Variants in EP400 observed in about 807,000 individuals in gnomAD.
The protein encoded by EP400 is E1A binding protein p400.
EP400 carries 105 observed loss-of-function variants against 354.1 expected under a neutral mutation model. That is an observed-to-expected ratio of 0.30 (90% CI 0.25 to 0.35). The LOEUF (loss-of-function observed/expected upper bound fraction) is 0.35. Among genes scored for constraint, EP400 ranks in the 10% least tolerant of loss-of-function variants. The pLI, the probability that EP400 is intolerant of heterozygous loss-of-function variation, is 1.00. For synonymous variants in EP400, 1,646 were observed against 1,716.9 expected (o/e 0.96, Z 1.02); for missense variants, 3,280 against 4,121.0 (o/e 0.80, Z 5.59).
intron 1 of EP400, among the ~76,000 whole-genome samples, chr12:131,954,238 A>C (rs1414325216): frequency 2.0e-5 from 3 of 151,910 alleles, no homozygotes; most frequent in South Asian, 2.1e-4. Flanking sequence ...AAAAAAAAAA[A>C]CCAACACATT....
chr12:132,041,693 T>C (rs971587300), intron 32 of EP400, among the ~76,000 whole-genome samples: 5 of 152,206 alleles, frequency 3.3e-5, no homozygotes, highest in Non-Finnish European at 7.3e-5. Flanking sequence ...CAGGAGATGC[T>C]GTGGCTGTGC....
At chr12:132,049,520 T>G (rs946783523) in intron 39 of EP400, among the ~76,000 whole-genome samples, 1 of 152,202 alleles carries the variant, frequency 6.6e-6, no homozygotes, top group East Asian at 1.9e-4. Flanking sequence ...TACATGTACC[T>G]GCACAGACAC....
At chr12:132,043,534 C>G (rs1894983648) in intron 33 of EP400, 72 bp downstream of exon 33, 1 of 1,581,634 alleles carries the variant, frequency 6.3e-7, no homozygotes, top group Admixed American at 1.9e-5. Context: ...TTATTGTTTA[C>G]TGCAAGAAAA....
intron 11 of EP400, among the ~76,000 whole-genome samples, chr12:131,993,208 A>G (rs11246889): frequency 0.11 from 16,958 of 152,050 alleles, 1,858 homozygotes; most frequent in African/African-American, 0.28. Context: ...TATTTTTAGT[A>G]GAGATGGGGT....
chr12:132,022,564 G>A (rs975891733), intron 23 of EP400, among the ~76,000 whole-genome samples: 2 of 152,066 alleles, frequency 1.3e-5, no homozygotes, highest in East Asian at 1.9e-4. Context: ...TTGTTCAGTT[G>A]TAGCCGGAAG....
At chr12:131,950,373 G>C (rs1891424377) in intron 1 of EP400, among the ~76,000 whole-genome samples, 1 of 152,170 alleles carries the variant, frequency 6.6e-6, no homozygotes, top group African/African-American at 2.4e-5. Flanking sequence ...GGGGGACTCC[G>C]GCCCGCGCCT....
At chr12:132,053,941 C>T (rs1431409662) in intron 43 of EP400, among the ~76,000 whole-genome samples, 1 of 152,172 alleles carries the variant, frequency 6.6e-6, no homozygotes, top group Non-Finnish European at 1.5e-5. Context: ...TTCCTGACTT[C>T]CTACACACTT....
chr12:131,991,588 T>TTG, intron 10 of EP400, 132 bp downstream of exon 10: 2 of 894,132 alleles, frequency 2.2e-6, no homozygotes, highest in Non-Finnish European at 1.7e-6. Flanking sequence ...TTTTTTTTTT[T>TTG]TTTTGTTTTA....
intron 48 of EP400, chr12:132,065,617 C>A (rs1303438904): frequency 1.3e-5 from 2 of 152,310 alleles, no homozygotes; most frequent in Non-Finnish European, 2.9e-5. Flanking sequence ...CCAAATCCCA[C>A]AACCAATCAG....
chr12:132,006,179 C>G lies in EP400; in HGVS notation c.3003C>G (p.Ile1001Met). The change falls in exon 14 of 53, where the codon ATC becomes ATG. Residue 1001 changes from isoleucine (I) to methionine (M), a missense_variant. Transcript: ENST00000389561. ...TGGTTCTCATCGACTCGCTTTTCAT[C>G]ATGGATCAGTTCAAAGCTGCCGAGA... ...KDLVLIDSLF[I>M]MDQFKAAERM... The G allele has an allele frequency of 3.1e-6, 5 of 1,614,228 alleles. No individual in the cohort carries two copies. The highest frequency in any genetic ancestry group is 1.6e-4 in the Middle Eastern group (1 of 6,062).
At chr12:132,030,819 C>T (rs1450296377) in intron 29 of EP400, among the ~76,000 whole-genome samples, 1 of 152,160 alleles carries the variant, frequency 6.6e-6, no homozygotes, top group Non-Finnish European at 1.5e-5. Flanking sequence ...CCATGGGCCC[C>T]GTGCCCTGGC....
At chr12:132,005,015 C>A (rs1350077574) in intron 12 of EP400, 62 bp from the exon 13 acceptor site, 12 of 1,335,394 alleles carry the variant, frequency 9.0e-6, no homozygotes, top group Non-Finnish European at 9.5e-6. Flanking sequence ...GCTGCTCCTT[C>A]CCAATTTAAA....
intron 23 of EP400, among the ~76,000 whole-genome samples, chr12:132,023,284 C>A (rs1175588709): frequency 6.7e-6 from 1 of 149,594 alleles, no homozygotes; most frequent in Admixed American, 6.7e-5. Context: ...AGGCGCCCAC[C>A]ACCATGCCCA....
rs1180006147 is a variant in EP400 at position 131,981,482 on chromosome 12, A to T, written c.1436-7A>T. 2 of 1,553,414 alleles carry T rather than the reference A, an allele frequency of 1.3e-6. No individual in the cohort carries two copies. Among genetic ancestry groups the T allele is most frequent in the Admixed American group, 2.0e-5 (1 of 49,710 alleles). On this transcript the variant is annotated splice_polypyrimidine_tract_variant and splice_region_variant and intron_variant, in intron 3 of 52. Coordinates refer to ENST00000389561, the MANE Select transcript of EP400 (RefSeq NM_015409.5). Reference sequence around the variant, plus strand: ...TCAAACTGCACCTTTTTTGAAAATTATTCTAGAGCAGTCTAAGAGGCCTCG... The same window carrying T: ...TCAAACTGCACCTTTTTTGAAAATTTTTCTAGAGCAGTCTAAGAGGCCTCG...
intron 51 of EP400, among the ~76,000 whole-genome samples, chr12:132,074,456 C>T (rs1896167807): frequency 6.6e-6 from 1 of 152,036 alleles, no homozygotes. Flanking sequence ...TGTTCTGGGT[C>T]ACCTCTCTCC....
Position 132,039,483 on chromosome 12 carries a change from C to G in EP400, c.6207+1387C>G, listed in dbSNP as rs531222214. Among the ~76,000 whole-genome samples, 4 of 152,276 alleles carry G rather than the reference C, an allele frequency of 2.6e-5. No individual in the cohort carries two copies. The South Asian group carries it at 6.2e-4, about 24-fold the overall frequency. On this transcript the variant is annotated intron_variant, in intron 32 of 52. Coordinates refer to ENST00000389561, the MANE Select transcript of EP400 (RefSeq NM_015409.5). ...GACGAACAGGGTGAGACCCACTCCC[C>G]CAGCCCCAGAGCGTTTCTATTCCTG...
Position 132,038,367 on chromosome 12 carries a change from G to A in EP400, c.6207+271G>A, listed in dbSNP as rs1182526536. Among the ~76,000 whole-genome samples the A allele has an allele frequency of 6.6e-6, 1 of 152,216 alleles. No individual in the cohort carries two copies. The highest frequency in any genetic ancestry group is 2.4e-5 in the African/African-American group (1 of 41,460). On this transcript the variant is annotated intron_variant, in intron 32 of 52. Transcript: ENST00000389561. This position sits in a 1 kb window ranked among gnomAD's most constrained non-coding sequence, Gnocchi z 4.2. ...CCGTCTTCATCTGCACTTTGCCACA[G>A]TCTCAGCTCCTTCCCCTCCCCATGG...
rs937263481 is a variant in EP400 at position 131,987,796 on chromosome 12, C to T, written c.2315C>T (p.Pro772Leu). 3.8e-5 allele frequency: 62 copies of T among 1,613,338 alleles called. No individual in the cohort carries two copies. The highest frequency in any genetic ancestry group is 5.2e-5 in the Non-Finnish European group (61 of 1,179,928). Residue 772 changes from proline (P) to leucine (L), a missense_variant, in exon 7 of 53, where the codon CCC (proline) becomes CTC (leucine). This residue lies in a region of EP400 where 800 missense variants were observed against 840.0 expected (regional missense o/e 0.95). Transcript: ENST00000389561. The part of the protein sequence containing the change: ...RLPKLQEAPR[P>L]KSHWDYLLEE... ...CCAAAGCTGCAGGAGGCCCCACGCC[C>T]CAAGTCCCACTGGGACTATCTGCTG...
Position 131,987,786 on chromosome 12 carries a change from G to A in EP400, c.2305G>A (p.Ala769Thr). Reference protein sequence around the residue: ...SQRRLPKLQEAPRPKSHWDYL... With the variant: ...SQRRLPKLQETPRPKSHWDYL... ...GAGGCGTCTGCCAAAGCTGCAGGAG[G>A]CCCCACGCCCCAAGTCCCACTGGGA... Residue 769 changes from alanine (A) to threonine (T), a missense_variant, in exon 7 of 53, where the codon GCC becomes ACC. Physicochemically the swap from Ala to Thr is moderately conservative, Grantham distance 58. Coordinates refer to ENST00000389561, the MANE Select transcript of EP400 (RefSeq NM_015409.5). The A allele has an allele frequency of 6.2e-7, 1 of 1,612,956 alleles. No homozygotes were observed. Among genetic ancestry groups the A allele is most frequent in the Non-Finnish European group, 8.5e-7 (1 of 1,179,890 alleles).
Sources: allele counts gnomAD v4.1 joint callset (sites outside exome capture counted in the v4.1 genomes callset), GRCh38; gene constraint gnomAD v4.1.1; regional missense constraint gnomAD v4.1.1; non-coding constraint Gnocchi (gnomAD v3.1); transcripts MANE v1.5; gene names NCBI Gene and HGNC (gene_info 2026-07-23, HGNC 2026-07-21).